Variants in CSMD1 observed in about 807,000 individuals in gnomAD.
CSMD1 encodes the protein CUB and Sushi multiple domains 1, also known as CUB and sushi domain-containing protein 1.
Under a neutral mutation model 417.5 loss-of-function variants are expected in CSMD1, and 213 were observed. That is an observed-to-expected ratio of 0.51 (90% confidence interval 0.46 to 0.57). The LOEUF is 0.57. Among genes scored for constraint, CSMD1 ranks in the 20% least tolerant of loss-of-function variants. CSMD1 has a pLI of 0.00. For synonymous variants in CSMD1, 2,862 were observed against 1,736.8 expected, an observed-to-expected ratio of 1.65 and a Z score of -16.11; for missense variants, 6,923 against 4,529.7, an observed-to-expected ratio of 1.53 and a Z score of -15.17.
intron 2 of CSMD1, among the ~76,000 whole-genome samples, chr8:4,464,460 G>A (rs1046065405): frequency 1.3e-5 from 2 of 152,138 alleles, no homozygotes; most frequent in East Asian, 3.9e-4. Flanking sequence ...TTAGCCTACA[G>A]CTGGGAAAAC....
At chr8:3,642,828 C>T (rs575704546) in intron 7 of CSMD1, among the ~76,000 whole-genome samples, 14 of 151,872 alleles carry the variant, frequency 9.2e-5, no homozygotes, top group Non-Finnish European at 2.1e-4. Context: ...TGAAATTATA[C>T]ATCCATATTT....
At chr8:4,015,443 T>C (rs1044311329) in intron 4 of CSMD1, among the ~76,000 whole-genome samples, 1 of 152,068 alleles carries the variant, frequency 6.6e-6, no homozygotes, top group Admixed American at 6.5e-5. Flanking sequence ...AAGTGACATA[T>C]TGCCATTTCC....
chr8:2,953,974 T>A (rs1205801630), intron 65 of CSMD1, among the ~76,000 whole-genome samples: 1 of 152,260 alleles, frequency 6.6e-6, no homozygotes, highest in Non-Finnish European at 1.5e-5. Context: ...GAAGGCAAGT[T>A]TGAATGAAAC....
At chr8:3,430,336 G>C (rs1349350126) in intron 12 of CSMD1, among the ~76,000 whole-genome samples, 1 of 152,054 alleles carries the variant, frequency 6.6e-6, no homozygotes, top group Non-Finnish European at 1.5e-5. Context: ...CATTTTGTAT[G>C]TGTTGTATAG....
At chr8:3,663,833 G>A (rs1009695468) in intron 7 of CSMD1, among the ~76,000 whole-genome samples, 3 of 152,044 alleles carry the variant, frequency 2.0e-5, no homozygotes, top group Non-Finnish European at 2.9e-5. Context: ...TCTGACCACC[G>A]GGGGCACGTG....
intron 7 of CSMD1, among the ~76,000 whole-genome samples, chr8:3,695,266 A>G (rs1800487231): frequency 6.6e-6 from 1 of 152,218 alleles, no homozygotes; most frequent in Admixed American, 6.5e-5. Flanking sequence ...ATATTAATCC[A>G]TCTAAAATTA....
chr8:3,994,256 A>G (rs938082923), intron 5 of CSMD1, among the ~76,000 whole-genome samples: 4 of 152,104 alleles, frequency 2.6e-5, no homozygotes, highest in South Asian at 2.1e-4. Context: ...CTTTTGTTAT[A>G]TAAGTTCATA....
At chr8:3,024,000 G>A (rs558348880) in intron 51 of CSMD1, among the ~76,000 whole-genome samples, 2 of 152,058 alleles carry the variant, frequency 1.3e-5, no homozygotes, top group Admixed American at 6.5e-5. Context: ...AGCACAGTGT[G>A]GAAAATTGGC....
intron 12 of CSMD1, among the ~76,000 whole-genome samples, chr8:3,432,198 C>G (rs1178084245): frequency 1.3e-5 from 2 of 152,124 alleles, no homozygotes; most frequent in East Asian, 3.9e-4. Context: ...CAGGAAGAGG[C>G]ATGGGTAGAG....
intron 1 of CSMD1, among the ~76,000 whole-genome samples, chr8:4,950,773 T>G (rs1808688257): frequency 6.6e-6 from 1 of 152,140 alleles, no homozygotes; most frequent in Non-Finnish European, 1.5e-5. Flanking sequence ...GGCAGCACGC[T>G]AAGTCAGACA....
chr8:4,269,110 G>A (rs548121290), intron 3 of CSMD1, among the ~76,000 whole-genome samples: 1 of 152,160 alleles, frequency 6.6e-6, no homozygotes, highest in Non-Finnish European at 1.5e-5. Flanking sequence ...AGGCTGGAGT[G>A]CAGTGGTGTG....
At chr8:4,241,259 G>A (rs189834424) in intron 3 of CSMD1, among the ~76,000 whole-genome samples, 2 of 152,080 alleles carry the variant, frequency 1.3e-5, no homozygotes, top group Non-Finnish European at 2.9e-5. Context: ...TACACCACAG[G>A]GCCCTAAATA....
intron 5 of CSMD1, among the ~76,000 whole-genome samples, chr8:3,930,623 G>C (rs1265533232): frequency 6.7e-6 from 1 of 150,094 alleles, no homozygotes; most frequent in South Asian, 2.2e-4. Flanking sequence ...GGGTGGCCGT[G>C]TCAGGTTATA....
chr8:4,137,770 A>C lies in CSMD1; in HGVS notation c.416-105671T>G, dbSNP rs146246991. Among the ~76,000 whole-genome samples the C allele has an allele frequency of 3.3e-5, 5 of 150,004 alleles. 1 individual carries two copies. Among genetic ancestry groups the C allele is most frequent in the African/African-American group, 7.2e-5 (3 of 41,440 alleles). ...AAAATTACACTTTCCTAAATTTCTC[A>C]AGGAAAATCTAAGCCTTATAATCCA... On this transcript the variant is annotated intron_variant, in intron 3 of 69. Transcript: ENST00000635120.
intron 8 of CSMD1, among the ~76,000 whole-genome samples, chr8:3,596,609 A>T (rs148435299): frequency 6.6e-6 from 1 of 152,174 alleles, no homozygotes; most frequent in Admixed American, 6.5e-5. Flanking sequence ...TCCCGGGCTT[A>T]TATCTACACT....
At chr8:3,830,103 C>T (rs151277797) in intron 5 of CSMD1, among the ~76,000 whole-genome samples, 4 of 152,252 alleles carry the variant, frequency 2.6e-5, no homozygotes, top group African/African-American at 9.6e-5. Flanking sequence ...GTTTTCTTGA[C>T]CCTAAAGTGA....
rs149519281 is a variant in CSMD1 at position 4,395,858 on chromosome 8, A to G, written c.415+24095T>C. Among the ~76,000 whole-genome samples, 187 of 152,334 alleles carry G rather than the reference A, an allele frequency of 1.2e-3. 1 individual carries two copies. Among genetic ancestry groups the G allele is most frequent in the African/African-American group, 4.2e-3 (174 of 41,588 alleles). On this transcript the variant is annotated intron_variant, in intron 3 of 69. Coordinates refer to ENST00000635120, the MANE Select transcript of CSMD1 (RefSeq NM_033225.6). ...CTTAGAAAATGATAGCATGAAAACC[A>G]TTACAGTCTTTAATTCGGTAGTGTA...
chr8:3,415,872 G>C (rs954336120), intron 12 of CSMD1, among the ~76,000 whole-genome samples: 5 of 152,114 alleles, frequency 3.3e-5, no homozygotes, highest in Admixed American at 2.6e-4. Flanking sequence ...ATATCCCCAA[G>C]TTTTCATGAG....
At chr8:3,872,525 G>C (rs1424468225) in intron 5 of CSMD1, among the ~76,000 whole-genome samples, 1 of 152,194 alleles carries the variant, frequency 6.6e-6, no homozygotes, top group Non-Finnish European at 1.5e-5. Flanking sequence ...TGTTCTGCCA[G>C]GTCACTGAAA....
Sources: gnomAD v4.1 joint callset for allele counts (sites outside exome capture counted in the v4.1 genomes callset) on GRCh38, gnomAD v4.1.1 for gene constraint, MANE v1.5 for transcripts, NCBI Gene and HGNC (gene_info 2026-07-23, HGNC 2026-07-21) for gene names.